Variants in DLC1 observed in about 807,000 individuals in gnomAD.
DLC1 encodes the protein DLC1 Rho GTPase activating protein.
In DLC1, 54 loss-of-function variants were observed where a neutral mutation model predicts 140.3. The ratio of observed to expected loss-of-function variants is 0.38; its 90% CI spans 0.31 to 0.48. DLC1 has a LOEUF of 0.48. Ranked by LOEUF, DLC1 falls within the 20% of genes least tolerant of loss-of-function variation. The pLI, the probability that DLC1 is intolerant of heterozygous loss-of-function variation, is 0.96. For missense variants in DLC1, 2,536 were observed against 1,907.0 expected (o/e 1.33, Z -6.14); for synonymous variants, 986 against 728.1 (o/e 1.35, Z -5.70).
At chr8:13,370,372 C>G (rs147106737) in intron 4 of DLC1, among the ~76,000 whole-genome samples, 413 of 152,224 alleles carry the variant, frequency 2.7e-3, no homozygotes, top group Non-Finnish European at 4.1e-3. Flanking sequence ...TGTTGAGTGA[C>G]TGACTGACTG....
chr8:13,298,264 G>T (rs1832042835), intron 5 of DLC1, among the ~76,000 whole-genome samples: 1 of 152,148 alleles, frequency 6.6e-6, no homozygotes, highest in South Asian at 2.1e-4. Flanking sequence ...ACCAAAGTCA[G>T]GCTCTAAGTC....
intron 5 of DLC1, among the ~76,000 whole-genome samples, chr8:13,213,997 C>T (rs1482434740): frequency 2.6e-5 from 4 of 151,970 alleles, no homozygotes; most frequent in Admixed American, 6.6e-5. Context: ...TTGGCCAGGC[C>T]GCTCTCGAAC....
intron 5 of DLC1, among the ~76,000 whole-genome samples, chr8:13,225,433 C>A (rs1043167238): frequency 2.0e-5 from 3 of 152,042 alleles, no homozygotes; most frequent in African/African-American, 4.8e-5. Flanking sequence ...CCCCCTTCCC[C>A]CTGCAAAGGT....
intron 4 of DLC1, among the ~76,000 whole-genome samples, chr8:13,372,062 A>T (rs1305847487): frequency 6.6e-6 from 1 of 152,124 alleles, no homozygotes; most frequent in African/African-American, 2.4e-5. Context: ...CGTGCATGTG[A>T]CTTGCAAATT....
chr8:13,468,350 T>TCCCCC (rs1800044764), intron 2 of DLC1, among the ~76,000 whole-genome samples: 1 of 19,870 alleles, frequency 5.0e-5, no homozygotes, highest in Non-Finnish European at 9.4e-5. Context: ...TCCCCTCCCC[T>TCCCCC]CCCCTCCCCT....
intron 5 of DLC1, among the ~76,000 whole-genome samples, chr8:13,205,958 T>A (rs568515592): frequency 6.6e-6 from 1 of 152,190 alleles, no homozygotes; most frequent in Non-Finnish European, 1.5e-5. Flanking sequence ...TTCTCCCCCA[T>A]GGAAGGATCA....
At chr8:13,365,712 C>T (rs1225320078) in intron 4 of DLC1, among the ~76,000 whole-genome samples, 1 of 152,020 alleles carries the variant, frequency 6.6e-6, no homozygotes, top group Admixed American at 6.6e-5. Flanking sequence ...CACATAACTG[C>T]CTGCAGTGGG....
intron 1 of DLC1, among the ~76,000 whole-genome samples, chr8:13,547,216 A>AT (rs551638866): frequency 2.0e-5 from 3 of 151,994 alleles, no homozygotes; most frequent in South Asian, 2.1e-4. Context: ...CAACTGAACA[A>AT]TTTTTTTATG....
chr8:13,439,902 T>G (rs1199603492), intron 2 of DLC1, among the ~76,000 whole-genome samples: 1 of 152,188 alleles, frequency 6.6e-6, no homozygotes, highest in East Asian at 1.9e-4. Context: ...AGTGAAATTT[T>G]TTTTTCTGAT....
At chr8:13,400,076 A>G (rs1837227244) in intron 3 of DLC1, among the ~76,000 whole-genome samples, 1 of 152,178 alleles carries the variant, frequency 6.6e-6, no homozygotes. Context: ...TTTGATGGTG[A>G]AAGAATGTTA....
chr8:13,390,033 A>G (rs1836680957), intron 4 of DLC1, among the ~76,000 whole-genome samples: 1 of 152,206 alleles, frequency 6.6e-6, no homozygotes, highest in South Asian at 2.1e-4. Flanking sequence ...CTGTTATTAC[A>G]TATCATTTAT....
intron 2 of DLC1, among the ~76,000 whole-genome samples, chr8:13,470,246 A>G (rs1380931644): frequency 6.6e-6 from 1 of 152,222 alleles, no homozygotes; most frequent in Non-Finnish European, 1.5e-5. Context: ...AAGGGCTTTT[A>G]TTTTTATCTT....
At chr8:13,161,058 G>C (rs1197906040) in intron 5 of DLC1, among the ~76,000 whole-genome samples, 3 of 152,218 alleles carry the variant, frequency 2.0e-5, no homozygotes, top group African/African-American at 7.2e-5. Context: ...TCCAGCCTGG[G>C]CGACAGAGCG....
At chr8:13,251,799 C>T (rs1830018453) in intron 5 of DLC1, among the ~76,000 whole-genome samples, 1 of 151,942 alleles carries the variant, frequency 6.6e-6, no homozygotes, top group Non-Finnish European at 1.5e-5. Flanking sequence ...TGAAAGTATT[C>T]CATGAGGGTT....
chr8:13,138,666 A>C (rs1470653445), intron 5 of DLC1, among the ~76,000 whole-genome samples: 6 of 152,254 alleles, frequency 3.9e-5, no homozygotes, highest in Non-Finnish European at 7.3e-5. Context: ...TAAGGAAAGT[A>C]ACTAAGTTAG....
intron 1 of DLC1, among the ~76,000 whole-genome samples, chr8:13,530,300 C>T (rs1008661746): frequency 3.3e-5 from 5 of 152,124 alleles, no homozygotes; most frequent in Non-Finnish European, 5.9e-5. Flanking sequence ...TTAGTACAGC[C>T]ATTTCTTAAG....
rs559400305 is a variant in DLC1 at position 13,376,650 on chromosome 8, G to A, written c.1314+16903C>T. Reference sequence around the variant, plus strand: ...TTTTTTGGATTTATAAGTAGCAAAGGGGGAGTTGAAATTTAGAATTATCAG... The same window carrying A: ...TTTTTTGGATTTATAAGTAGCAAAGAGGGAGTTGAAATTTAGAATTATCAG... On this transcript the variant is annotated intron_variant, in intron 4 of 17. Coordinates refer to ENST00000276297, the MANE Select transcript of DLC1 (RefSeq NM_182643.3). Among the ~76,000 whole-genome samples the A allele has an allele frequency of 1.6e-4, 25 of 152,292 alleles. 1 individual carries two copies. The highest frequency in any genetic ancestry group is 6.0e-4 in the African/African-American group (25 of 41,564).
intron 2 of DLC1, among the ~76,000 whole-genome samples, chr8:13,486,554 A>T (rs1800975914): frequency 6.6e-6 from 1 of 152,210 alleles, no homozygotes; most frequent in Non-Finnish European, 1.5e-5. Flanking sequence ...GTACCACGAC[A>T]TACCACTATT....
At chr8:13,218,983 T>TATATAATTATATAATTATATACGA (rs1828376120) in intron 5 of DLC1, among the ~76,000 whole-genome samples, 3 of 33,624 alleles carry the variant, frequency 8.9e-5, no homozygotes, top group East Asian at 4.3e-3. Context: ...CGTATATAAC[T>TATATAATTATATAATTATATACGA]ATATAATTAT....
Sources: gnomAD v4.1 joint callset for allele counts (sites outside exome capture counted in the v4.1 genomes callset) on GRCh38, gnomAD v4.1.1 for gene constraint, MANE v1.5 for transcripts, NCBI Gene and HGNC (gene_info 2026-07-23, HGNC 2026-07-21) for gene names.